The following C1QTNF2 variants were observed in gnomAD, a reference collection of about 807,000 sequenced individuals.
C1QTNF2 encodes C1q and TNF related 2.
Under a neutral mutation model 17.4 loss-of-function variants are expected in C1QTNF2, and 15 were observed. The ratio of observed to expected loss-of-function variants is 0.86; its 90% CI spans 0.58 to 1.33. C1QTNF2 has a LOEUF of 1.33. C1QTNF2 is among the 40% of genes most tolerant of loss of function. The probability of loss-of-function intolerance (pLI) is 0.00; values close to 1 mark genes in which losing one functional copy is unlikely to be tolerated. For synonymous variants in C1QTNF2, 154 were observed against 163.3 expected (o/e 0.94, Z 0.44); for missense variants, 381 against 392.3 (o/e 0.97, Z 0.24).
chr5:160,355,283 CT>C (rs1242727944), intron 1 of C1QTNF2: 1 of 982,256 alleles, frequency 1.0e-6, no homozygotes, highest in Non-Finnish European at 1.2e-6. Context: ...AGACCATCAT[CT>C]TCCAGAGTGG....
intron 1 of C1QTNF2, among the ~76,000 whole-genome samples, chr5:160,367,239 G>A (rs997997895): frequency 1.1e-4 from 16 of 152,264 alleles, no homozygotes; most frequent in African/African-American, 3.9e-4. Context: ...AAACTTGGGA[G>A]ATTTTCTGTT....
rs147319990 is a variant in C1QTNF2 at position 160,367,449 on chromosome 5, C to T, written c.-10+3063G>A. ...GTATTTAGAGATAGGACCTTAAAAACGGTAACCAAGGTAATATGAGTCATA... is the reference window on the plus strand; with the variant it reads ...GTATTTAGAGATAGGACCTTAAAAATGGTAACCAAGGTAATATGAGTCATA... On this transcript the variant is annotated intron_variant, in intron 1 of 2. Coordinates refer to ENST00000652664, the MANE Select transcript of C1QTNF2 (RefSeq NM_031908.6). 3.9e-3 allele frequency among the ~76,000 whole-genome samples: 596 copies of T among 152,266 alleles called. 5 individuals are homozygous for T. The highest frequency in any genetic ancestry group is 0.013 in the African/African-American group (549 of 41,540).
intron 1 of C1QTNF2, among the ~76,000 whole-genome samples, chr5:160,365,427 C>T (rs1047512664): frequency 3.3e-5 from 5 of 152,126 alleles, no homozygotes; most frequent in Admixed American, 1.3e-4. Flanking sequence ...ACTTCTGATA[C>T]AGGGCCGGGC....
chr5:160,354,300 G>A (rs938205002), intron 2 of C1QTNF2, among the ~76,000 whole-genome samples: 9 of 152,012 alleles, frequency 5.9e-5, no homozygotes, highest in Non-Finnish European at 1.0e-4. Context: ...CTCTGAGGCC[G>A]GGCACAGTGG....
intron 1 of C1QTNF2, among the ~76,000 whole-genome samples, chr5:160,360,425 C>A (rs1764132331): frequency 6.6e-6 from 1 of 152,194 alleles, no homozygotes; most frequent in East Asian, 1.9e-4. Context: ...CCCCTTGATA[C>A]AAATCTGTTC....
intron 1 of C1QTNF2, among the ~76,000 whole-genome samples, chr5:160,363,462 C>T (rs1764190040): frequency 2.0e-5 from 3 of 152,208 alleles, no homozygotes; most frequent in African/African-American, 4.8e-5. Flanking sequence ...TTTCTCTCTC[C>T]TCATTTCTGG....
intron 1 of C1QTNF2, among the ~76,000 whole-genome samples, chr5:160,362,495 G>A (rs772940469): frequency 2.0e-5 from 3 of 152,188 alleles, no homozygotes; most frequent in Non-Finnish European, 4.4e-5. Flanking sequence ...TCTCCTGAGT[G>A]TGTACTGTTT....
At chr5:160,365,123 G>A (rs13156888) in intron 1 of C1QTNF2, among the ~76,000 whole-genome samples, 2 of 152,146 alleles carry the variant, frequency 1.3e-5, no homozygotes, top group Non-Finnish European at 2.9e-5. Flanking sequence ...GGAAAGAAAA[G>A]CCTCACTCTC....
At chr5:160,353,442 A>T (rs1297925266) in intron 2 of C1QTNF2, among the ~76,000 whole-genome samples, 1 of 152,032 alleles carries the variant, frequency 6.6e-6, no homozygotes, top group African/African-American at 2.4e-5. Context: ...ATTTCATTTC[A>T]TACGGTCCTA....
chr5:160,351,623 T>C (rs1367653110), intron 2 of C1QTNF2, among the ~76,000 whole-genome samples: 3 of 152,160 alleles, frequency 2.0e-5, no homozygotes, highest in South Asian at 4.1e-4. Flanking sequence ...TGTAAATATA[T>C]AGAAAAAGGC....
chr5:160,360,116 C>A (rs189426662), intron 1 of C1QTNF2, among the ~76,000 whole-genome samples: 3 of 152,238 alleles, frequency 2.0e-5, no homozygotes, highest in Admixed American at 1.3e-4. Context: ...TCTCAGCCAG[C>A]GCCCGCTTTC....
chr5:160,364,402 G>A (rs536614717), intron 1 of C1QTNF2, among the ~76,000 whole-genome samples: 2 of 152,324 alleles, frequency 1.3e-5, no homozygotes, highest in South Asian at 2.1e-4. Flanking sequence ...CAGTTGTTAC[G>A]AGGATTTAAT....
chr5:160,370,227 G>T (rs1453446215), intron 1 of C1QTNF2, among the ~76,000 whole-genome samples: 1 of 152,192 alleles, frequency 6.6e-6, no homozygotes, highest in Admixed American at 6.5e-5. Flanking sequence ...CACAAAGTAG[G>T]CGCTCAATAA....
chr5:160,354,634 A>ATATATATATATG (rs1764004260), intron 2 of C1QTNF2, 134 bp downstream of exon 2: 1 of 413,580 alleles, frequency 2.4e-6, no homozygotes, highest in Non-Finnish European at 3.8e-6. Context: ...ATATATATAT[A>ATATATATATATG]GATTTATAAG....
chr5:160,349,416 C>A lies in C1QTNF2; in HGVS notation c.610G>T (p.Ala204Ser). 1 of 1,614,014 alleles carries A rather than the reference C, an allele frequency of 6.2e-7. No individual in the cohort carries two copies. Among genetic ancestry groups the A allele is most frequent in the Non-Finnish European group, 8.5e-7 (1 of 1,180,002 alleles). ...IYYFTYDITL[A>S]NKHLAIGLVH... ...AGGCCGATGGCCAGGTGCTTGTTGGCCAGCGTGATGTCGTAGGTGAAGTAG... is the reference window on the plus strand; with the variant it reads ...AGGCCGATGGCCAGGTGCTTGTTGGACAGCGTGATGTCGTAGGTGAAGTAG... Residue 204 changes from alanine to serine, a missense_variant, in exon 3 of 3, where the codon GCC becomes TCC. Transcript: ENST00000652664. The surrounding 1 kb of genome is among the most constrained non-coding windows in gnomAD (Gnocchi z 4.3).
intron 1 of C1QTNF2, among the ~76,000 whole-genome samples, chr5:160,360,941 C>T (rs112925641): frequency 0.012 from 1,787 of 152,036 alleles, 29 homozygotes; most frequent in African/African-American, 0.041. Context: ...ACTACAGGTG[C>T]GCACCACCAT....
At chr5:160,357,649 G>T (rs1321344818) in intron 1 of C1QTNF2, among the ~76,000 whole-genome samples, 1 of 152,218 alleles carries the variant, frequency 6.6e-6, no homozygotes, top group African/African-American at 2.4e-5. Context: ...GAAAGTTGCA[G>T]TCTACAACCA....
intron 1 of C1QTNF2, among the ~76,000 whole-genome samples, chr5:160,356,291 C>A (rs1360154646): frequency 6.6e-6 from 1 of 152,208 alleles, no homozygotes; most frequent in Non-Finnish European, 1.5e-5. Context: ...CTTAGGCAAA[C>A]CCTTTTCCCT....
At chr5:160,354,598 G>GTATATATATATATATATA (rs1172776724) in intron 2 of C1QTNF2, among the ~76,000 whole-genome samples, 170 bp downstream of exon 2, 9 of 30,872 alleles carry the variant, frequency 2.9e-4, no homozygotes, top group African/African-American at 5.8e-4. Context: ...AAAAAAAAAA[G>GTATATATATATATATATA]TATATATATA....
Sources: gnomAD v4.1 joint callset for allele counts (sites outside exome capture counted in the v4.1 genomes callset) on GRCh38, gnomAD v4.1.1 for gene constraint, Gnocchi (gnomAD v3.1) non-coding constraint, MANE v1.5 for transcripts, NCBI Gene and HGNC (gene_info 2026-07-23, HGNC 2026-07-21) for gene names.